MARF1: variants seen among roughly 807,000 people sequenced by gnomAD.
The protein encoded by MARF1 is limkain-b1.
A neutral mutation model predicts 168.2 loss-of-function variants in MARF1; 24 were observed. The ratio of observed to expected loss-of-function variants is 0.14; its 90% CI spans 0.10 to 0.20. The LOEUF is 0.20. MARF1 is among the 10% of genes least tolerant of loss of function. The pLI, the probability that MARF1 is intolerant of heterozygous loss-of-function variation, is 1.00. For missense variants in MARF1, 1,744 were observed against 2,143.6 expected (o/e 0.81, Z 3.68); for synonymous variants, 868 against 822.4 (o/e 1.06, Z -0.95).
chr16:15,598,410 C>T (rs181784478), intron 26 of MARF1, among the ~76,000 whole-genome samples: 35 of 152,308 alleles, frequency 2.3e-4, no homozygotes, highest in African/African-American at 7.7e-4. Flanking sequence ...TGTTATATCA[C>T]TGGGCAGAGT....
intron 8 of MARF1, 58 bp from the exon 9 acceptor site, chr16:15,625,231 C>A: frequency 6.3e-7 from 1 of 1,586,258 alleles, no homozygotes; most frequent in South Asian, 1.1e-5. Flanking sequence ...TGTGTTAGAT[C>A]CTTTACAGAA....
intron 1 of MARF1, among the ~76,000 whole-genome samples, chr16:15,640,462 G>A (rs997459227): frequency 2.0e-5 from 3 of 152,222 alleles, no homozygotes; most frequent in African/African-American, 7.2e-5. Flanking sequence ...CCAGCACTTT[G>A]GGAGGCCAAG....
chr16:15,624,898 G>C lies in MARF1; in HGVS notation c.2141C>G (p.Thr714Ser). 6.2e-7 allele frequency: 1 copy of C among 1,614,146 alleles called. No individual in the cohort carries two copies. The highest frequency in any genetic ancestry group is 8.5e-7 in the Non-Finnish European group (1 of 1,180,022). Residue 714 changes from threonine (T) to serine (S), a missense_variant, in exon 10 of 27, where the codon ACC becomes AGC. This residue lies in a region of MARF1 where 270 missense variants were observed against 260.6 expected (regional missense o/e 1.04). Coordinates refer to ENST00000396368, the MANE Select transcript of MARF1 (RefSeq NM_014647.4). ...ATCTTTTTTCTCTACAGGAGAACTG[G>C]TAACACTTCGGGCACTGAGGTTCTC... ...KKENLSARSV[T>S]SSPVEKKDKE...
At position 15,612,561 on chromosome 16, in the gene MARF1, A is replaced by G. The variant is rs777078439; in HGVS notation, c.3470T>C (p.Leu1157Ser). Residue 1157 changes from leucine (L) to serine (S), a missense_variant, in exon 17 of 27, where the codon TTG (leucine) becomes TCG (serine). Coordinates refer to ENST00000396368, the MANE Select transcript of MARF1 (RefSeq NM_014647.4). Reference protein sequence around the residue: ...IELLEAVPHVLQILGMGSKRL... With the variant: ...IELLEAVPHVSQILGMGSKRL... Reference sequence around the variant, plus strand: ...TAATCCCGTGACACGCCTTACCTGCAATACATGAGGCACTGCTTCTAATAA... The same window carrying G: ...TAATCCCGTGACACGCCTTACCTGCGATACATGAGGCACTGCTTCTAATAA... The G allele has an allele frequency of 1.2e-6, 2 of 1,613,352 alleles. No homozygotes were observed. The highest frequency in any genetic ancestry group is 1.7e-5 in the Admixed American group (1 of 60,030).
At position 15,643,107 on chromosome 16, in the gene MARF1, G is replaced by C; in HGVS notation, c.-148C>G. 2.3e-5 allele frequency: 4 copies of C among 175,668 alleles called. No homozygotes were observed. Among genetic ancestry groups the C allele is most frequent in the Non-Finnish European group, 4.3e-5 (4 of 92,774 alleles). 10.9% of individuals were successfully genotyped at this position (175,668 alleles called of 1,614,324 possible). A position where few individuals can be genotyped will look rare whatever the true frequency, so the allele number is the denominator to read the frequency against. ...GCCCTTTGTTTTGATTCCCGACTCCGCAGCTCCCGCCGCCGCCGCCAAGCG... is the reference window on the plus strand; with the variant it reads ...GCCCTTTGTTTTGATTCCCGACTCCCCAGCTCCCGCCGCCGCCGCCAAGCG... On this transcript the variant is annotated 5_prime_UTR_variant, in exon 1 of 27. Transcript: ENST00000396368.
chr16:15,614,822 T>C (rs2033914863), intron 16 of MARF1, among the ~76,000 whole-genome samples: 1 of 151,892 alleles, frequency 6.6e-6, no homozygotes, highest in African/African-American at 2.4e-5. Context: ...TTCACTCTTG[T>C]CACCCAGGCT....
In MARF1 at chr16:15,602,432, C is replaced by CGAA. The variant is rs201295086; in HGVS notation, c.4414-230_4414-229insTTC. 4.7e-3 allele frequency: 2,865 copies of CGAA among 608,714 alleles called. 70 individuals are homozygous for CGAA. The Admixed American group carries it at 0.053, about 11-fold the overall frequency. 37.7% of individuals were successfully genotyped at this position (608,714 alleles called of 1,614,324 possible). On this transcript the variant is annotated intron_variant, in intron 22 of 26. Coordinates refer to ENST00000396368, the MANE Select transcript of MARF1 (RefSeq NM_014647.4). ...ACAACAAAGAAGATGAAGACAAAGACGACGAGACAAAAACGAAGATAAAGA... is the reference window on the plus strand; with the variant it reads ...ACAACAAAGAAGATGAAGACAAAGACGAAGACGAGACAAAAACGAAGATAAAGA...
chr16:15,620,583 G>T, intron 12 of MARF1, 52 bp from the exon 13 acceptor site: 1 of 1,192,978 alleles, frequency 8.4e-7, no homozygotes, highest in Non-Finnish European at 1.2e-6. Flanking sequence ...CATATTACAA[G>T]TTATATAAAC....
chr16:15,605,786 G>C (rs2032958452), intron 21 of MARF1: 1 of 152,268 alleles, frequency 6.6e-6, no homozygotes, highest in South Asian at 2.1e-4. Context: ...GCACCACGGA[G>C]CCTCTCTCAG....
chr16:15,625,672 T>G lies in MARF1; in HGVS notation c.1653A>C (p.Ala551=). ...GKVLSITGCS[A]ILRFINQDSA... is the part of the protein sequence containing the mutation. ...TATCTTGGTTTATGAAGCGGAGAAT[T>G]GCACTGCAGCCTGTGATACTCAGCA... is the stretch of plus-strand genomic sequence containing the variant. The change falls in exon 8 of 27, where the codon GCA becomes GCC. Residue 551 remains alanine (A), a synonymous_variant. Transcript: ENST00000396368. 1 of 1,614,226 alleles carries G rather than the reference T, an allele frequency of 6.2e-7. No individual in the cohort carries two copies. The highest frequency in any genetic ancestry group is 8.5e-7 in the Non-Finnish European group (1 of 1,180,046).
In MARF1 at chr16:15,596,503, GAAGAA is replaced by G. The variant is rs1255174321; in HGVS notation, c.*185_*189del. The G allele has an allele frequency of 4.4e-6, 2 of 449,624 alleles. No individual in the cohort carries two copies. Among genetic ancestry groups the G allele is most frequent in the South Asian group, 9.5e-5 (1 of 10,520 alleles). The allele number at this position is 449,624 out of a possible 1,614,324, so 27.9% of individuals were successfully genotyped here. ...AATTGAAAAAAGAAAGAAAAAGGAA[GAAGAA>G]AAGAAAGACTTCAGCTCAAAGCTGT... On this transcript the variant is annotated 3_prime_UTR_variant, in exon 27 of 27. Transcript: ENST00000396368.
chr16:15,632,718 G>A (rs2035329300), intron 5 of MARF1, among the ~76,000 whole-genome samples: 1 of 152,182 alleles, frequency 6.6e-6, no homozygotes, highest in Admixed American at 6.5e-5. Flanking sequence ...GCTGGTTTTT[G>A]TAAAGAACAT....
rs199912490 is a variant in MARF1 at position 15,625,671 on chromosome 16, T to C, written c.1654A>G (p.Ile552Val). The change falls in exon 8 of 27, where the codon ATT (isoleucine) becomes GTT (valine). Residue 552 changes from isoleucine (I) to valine (V), a missense_variant. Physicochemically the swap from Ile to Val is conservative, Grantham distance 29 (BLOSUM62 3). This residue lies in a region of MARF1 where 217 missense variants were observed against 372.4 expected (regional missense o/e 0.58). Transcript: ENST00000396368. ...KVLSITGCSA[I>V]LRFINQDSAE... The stretch of plus-strand genomic sequence containing the variant: ...CTATCTTGGTTTATGAAGCGGAGAA[T>C]TGCACTGCAGCCTGTGATACTCAGC... 90 of 1,614,102 alleles carry C rather than the reference T, an allele frequency of 5.6e-5. No homozygotes were observed. In the East Asian group the frequency reaches 1.1e-3, roughly 19 times the overall value.
At position 15,595,676 on chromosome 16, in the gene MARF1, T is replaced by C. The variant is rs532237626; in HGVS notation, c.*1017A>G. 3 of 152,298 alleles carry C rather than the reference T, an allele frequency of 2.0e-5. No homozygotes were observed. In the South Asian group the frequency reaches 6.2e-4, roughly 32 times the overall value. The allele number at this position is 152,298 out of a possible 1,614,324, so 9.4% of individuals were successfully genotyped here. Reference sequence around the variant, plus strand: ...ACACATAAAGCTTCCCAGCTACCGATACCAGCTTTAAAATTACAATAACAA... The same window carrying C: ...ACACATAAAGCTTCCCAGCTACCGACACCAGCTTTAAAATTACAATAACAA... On this transcript the variant is annotated 3_prime_UTR_variant, in exon 27 of 27. Coordinates refer to ENST00000396368, the MANE Select transcript of MARF1 (RefSeq NM_014647.4).
intron 5 of MARF1, among the ~76,000 whole-genome samples, chr16:15,632,633 T>C (rs950947329): frequency 6.6e-6 from 1 of 152,124 alleles, no homozygotes; most frequent in Admixed American, 6.5e-5. Context: ...CAGGCTCGCA[T>C]ATAAGTCCCC....
chr16:15,630,584 A>C, intron 6 of MARF1, 80 bp from the exon 7 acceptor site: 1 of 1,299,130 alleles, frequency 7.7e-7, no homozygotes, highest in Non-Finnish European at 1.0e-6. Flanking sequence ...ATTGACACCC[A>C]CTGAGAAGAA....
Position 15,598,951 on chromosome 16 carries a change from G to T in MARF1, c.4887C>A (p.Val1629=). 1 of 1,613,690 alleles carries T rather than the reference G, an allele frequency of 6.2e-7. No individual in the cohort carries two copies. Among genetic ancestry groups the T allele is most frequent in the Non-Finnish European group, 8.5e-7 (1 of 1,179,894 alleles). The change falls in exon 26 of 27, where the codon GTC becomes GTA. Residue 1629 remains valine, a synonymous_variant. Transcript: ENST00000396368. The part of the protein sequence containing the change: ...DSPVDLLCAP[V]PSCLPSPQLR... ...GCTGAGGGGACGGCAGGCACGAGGG[G>T]ACAGGCGCACACAGGAGGTCGACGG...
At chr16:15,607,347 G>A (rs1199213430) in intron 21 of MARF1, among the ~76,000 whole-genome samples, 1 of 152,172 alleles carries the variant, frequency 6.6e-6, no homozygotes, top group East Asian at 1.9e-4. Flanking sequence ...CCAGGAGTTC[G>A]AGATCAGCCT....
chr16:15,639,780 G>A (rs375523430), intron 1 of MARF1, among the ~76,000 whole-genome samples: 4 of 152,204 alleles, frequency 2.6e-5, no homozygotes, highest in South Asian at 2.1e-4. Flanking sequence ...AGCATATTAC[G>A]GGTTAATAAA....
Sources: allele counts gnomAD v4.1 joint callset (sites outside exome capture counted in the v4.1 genomes callset), GRCh38; gene constraint gnomAD v4.1.1; regional missense constraint gnomAD v4.1.1; transcripts MANE v1.5; gene names NCBI Gene and HGNC (gene_info 2026-07-23, HGNC 2026-07-21).